Variants in GRM7 observed in about 807,000 individuals in gnomAD.
The protein encoded by GRM7 is glutamate metabotropic receptor 7, also known as metabotropic glutamate receptor 7.
A neutral mutation model predicts 84.5 loss-of-function variants in GRM7; 35 were observed. The observed-to-expected ratio is 0.41, with a 90% CI of 0.32 to 0.55. The LOEUF is 0.55. Among genes scored for constraint, GRM7 ranks in the 20% least tolerant of loss-of-function variants. The pLI is 0.19. For synonymous variants in GRM7, 487 were observed against 455.1 expected (o/e 1.07, Z -0.89); for missense variants, 1,003 against 1,194.6 (o/e 0.84, Z 2.36).
intron 1 of GRM7, among the ~76,000 whole-genome samples, chr3:6,987,317 C>A (rs1238636343): frequency 6.6e-6 from 1 of 151,704 alleles, no homozygotes; most frequent in African/African-American, 2.4e-5. Context: ...ATTCAGAGCA[C>A]CTAACATTCT....
At chr3:7,350,545 T>G (rs1251373972) in intron 4 of GRM7, among the ~76,000 whole-genome samples, 1 of 151,994 alleles carries the variant, frequency 6.6e-6, no homozygotes, top group South Asian at 2.1e-4. Flanking sequence ...GCTTCCTGTA[T>G]AGCCTGCAAA....
chr3:7,054,257 AT>A (rs1029919282), intron 1 of GRM7, among the ~76,000 whole-genome samples: 2 of 149,570 alleles, frequency 1.3e-5, no homozygotes, highest in African/African-American at 4.9e-5. Flanking sequence ...CTTTTATGAT[AT>A]ATATGATATA....
chr3:7,169,593 T>C (rs1483187313), intron 2 of GRM7, among the ~76,000 whole-genome samples: 1 of 152,226 alleles, frequency 6.6e-6, no homozygotes, highest in Admixed American at 6.5e-5. Flanking sequence ...TGAAGGCAGC[T>C]AGAATCCCAG....
In GRM7 at chr3:7,296,113, TTTG is replaced by T. The variant is rs561871220; in HGVS notation, c.737-2568_737-2566del. On this transcript the variant is annotated intron_variant, in intron 2 of 9. Transcript: ENST00000357716. ...ATATATATATATAGAGAGAGAGAAT[TTTG>T]TTAAGTACTTTCTCTGCATGTATTA... Among the ~76,000 whole-genome samples the T allele has an allele frequency of 2.4e-4, 36 of 152,030 alleles. No homozygotes were observed. In the South Asian group the frequency reaches 7.3e-3, roughly 31 times the overall value.
intron 1 of GRM7, chr3:6,893,900 G>A (rs527786951): frequency 2.6e-5 from 4 of 152,108 alleles, no homozygotes; most frequent in South Asian, 4.2e-4. Context: ...GTTTTTCTTC[G>A]GATGACATGA....
chr3:7,370,166 G>T (rs1022255411), intron 4 of GRM7, among the ~76,000 whole-genome samples: 1 of 152,016 alleles, frequency 6.6e-6, no homozygotes, highest in Non-Finnish European at 1.5e-5. Flanking sequence ...GTTTTTTTGG[G>T]TATCTGAAGC....
At chr3:7,327,551 T>C (rs931906349) in intron 4 of GRM7, among the ~76,000 whole-genome samples, 2 of 152,214 alleles carry the variant, frequency 1.3e-5, no homozygotes, top group African/African-American at 2.4e-5. Context: ...TTTTGACCTT[T>C]ATAGTGTTAT....
chr3:7,609,552 A>G (rs190830716), intron 8 of GRM7, among the ~76,000 whole-genome samples: 17 of 151,780 alleles, frequency 1.1e-4, no homozygotes, highest in Non-Finnish European at 2.1e-4. Flanking sequence ...GGAGGAAAAA[A>G]CAGAGCAGGC....
intron 4 of GRM7, among the ~76,000 whole-genome samples, chr3:7,406,631 T>C (rs529876572): frequency 6.6e-6 from 1 of 152,358 alleles, no homozygotes; most frequent in Non-Finnish European, 1.5e-5. Context: ...TCCTGAATTT[T>C]TGTTGTGATG....
At chr3:7,485,852 A>C (rs566720586) in intron 7 of GRM7, among the ~76,000 whole-genome samples, 77 of 152,246 alleles carry the variant, frequency 5.1e-4, no homozygotes, top group Admixed American at 1.7e-3. Flanking sequence ...ATTCATGTTC[A>C]CAAACTCTGT....
At chr3:7,258,633 C>A (rs1698297073) in intron 2 of GRM7, among the ~76,000 whole-genome samples, 1 of 152,184 alleles carries the variant, frequency 6.6e-6, no homozygotes, top group South Asian at 2.1e-4. Flanking sequence ...TAATTTAAAT[C>A]TTTTTAAACA....
intron 4 of GRM7, among the ~76,000 whole-genome samples, chr3:7,377,653 G>A (rs527936522): frequency 5.3e-5 from 8 of 152,250 alleles, no homozygotes; most frequent in African/African-American, 1.9e-4. Context: ...ATATCTTTGT[G>A]CTGTCTCCTG....
intron 1 of GRM7, among the ~76,000 whole-genome samples, chr3:6,865,878 A>G (rs1001677356): frequency 2.0e-5 from 3 of 152,198 alleles, no homozygotes; most frequent in Admixed American, 6.5e-5. Context: ...TTATAATTTA[A>G]TAAGTATAGG....
At chr3:7,522,815 A>G (rs1174475027) in intron 7 of GRM7, among the ~76,000 whole-genome samples, 1 of 152,130 alleles carries the variant, frequency 6.6e-6, no homozygotes, top group African/African-American at 2.4e-5. Context: ...TATTTTTGAG[A>G]TGAGGTCTTT....
chr3:7,364,893 A>G (rs1693814125), intron 4 of GRM7, among the ~76,000 whole-genome samples: 1 of 151,830 alleles, frequency 6.6e-6, no homozygotes, highest in African/African-American at 2.4e-5. Flanking sequence ...TTCCTTGCTC[A>G]TCATTCCTTT....
intron 2 of GRM7, among the ~76,000 whole-genome samples, chr3:7,201,708 C>T (rs1040020066): frequency 6.6e-6 from 1 of 152,186 alleles, no homozygotes; most frequent in Non-Finnish European, 1.5e-5. Context: ...TTAAGGCATA[C>T]TAAGTTTAAG....
At chr3:7,252,855 AT>A (rs1425269932) in intron 2 of GRM7, among the ~76,000 whole-genome samples, 1 of 149,812 alleles carries the variant, frequency 6.7e-6, no homozygotes, top group Admixed American at 6.7e-5. Flanking sequence ...CACCCAGCTA[AT>A]TTTTTTTGTA....
chr3:7,670,688 T>C (rs1575613433), intron 8 of GRM7, among the ~76,000 whole-genome samples: 1 of 100,022 alleles, frequency 1.0e-5, no homozygotes, highest in Non-Finnish European at 2.1e-5. Context: ...ACAATGGATA[T>C]TTCACATCTT....
At chr3:6,934,136 A>C (rs980268721) in intron 1 of GRM7, among the ~76,000 whole-genome samples, 1 of 152,172 alleles carries the variant, frequency 6.6e-6, no homozygotes, top group Non-Finnish European at 1.5e-5. Context: ...ATTGACCACT[A>C]TGTCTAGATT....
Sources: gnomAD v4.1 joint callset for allele counts (sites outside exome capture counted in the v4.1 genomes callset) on GRCh38, gnomAD v4.1.1 for gene constraint, MANE v1.5 for transcripts, NCBI Gene and HGNC (gene_info 2026-07-23, HGNC 2026-07-21) for gene names.